Variants in ADAM2 observed in about 807,000 individuals in gnomAD.
ADAM2 encodes the protein disintegrin and metalloproteinase domain-containing protein 2.
Under a neutral mutation model 99.3 loss-of-function variants are expected in ADAM2, and 101 were observed. That is an observed-to-expected ratio of 1.02 (90% CI 0.87 to 1.20). The LOEUF is 1.20. ADAM2 is among the 50% of genes most tolerant of loss of function. The pLI is 0.00. For missense variants in ADAM2, 948 were observed against 878.7 expected, an observed-to-expected ratio of 1.08 and a Z score of -1.00; for synonymous variants, 323 against 287.6, an observed-to-expected ratio of 1.12 and a Z score of -1.25.
chr8:39,829,515 A>G (rs181464346), intron 3 of ADAM2, among the ~76,000 whole-genome samples: 48 of 152,118 alleles, frequency 3.2e-4, no homozygotes, highest in African/African-American at 1.1e-3. Flanking sequence ...ATAAGTATAT[A>G]ATTATAAGCA....
At chr8:39,797,701 G>C (rs566283293) in intron 7 of ADAM2, among the ~76,000 whole-genome samples, 1 of 152,236 alleles carries the variant, frequency 6.6e-6, no homozygotes, top group South Asian at 2.1e-4. Flanking sequence ...TTTTCCATTT[G>C]TTTGTGTCCT....
At chr8:39,765,084 C>T (rs1802520053) in intron 14 of ADAM2, among the ~76,000 whole-genome samples, 1 of 152,014 alleles carries the variant, frequency 6.6e-6, no homozygotes, top group African/African-American at 2.4e-5. Flanking sequence ...TGCACACATA[C>T]CTAGAATAGT....
Position 39,767,194 on chromosome 8 carries a change from C to T in ADAM2, c.1270G>A (p.Gly424Ser), listed in dbSNP as rs202127432. 37 of 1,608,050 alleles carry T rather than the reference C, an allele frequency of 2.3e-5. No homozygotes were observed. Among genetic ancestry groups the T allele is most frequent in the Middle Eastern group, 1.7e-4 (1 of 6,052 alleles). The change falls in exon 13 of 21, where the codon GGT becomes AGT. Residue 424 changes from glycine (G) to serine (S), a missense_variant. Transcript: ENST00000265708. ...CDIATCRFKA[G>S]SNCAEGPCCE... is the part of the protein sequence containing the mutation. The stretch of plus-strand genomic sequence containing the variant: ...CATGGTCCTTCAGCACAGTTTGAAC[C>T]GGCTTTAAATCTACATGTGGCAATA...
chr8:39,782,547 A>G (rs1288061451), intron 10 of ADAM2, among the ~76,000 whole-genome samples: 2 of 152,116 alleles, frequency 1.3e-5, no homozygotes, highest in African/African-American at 4.8e-5. Context: ...AAGTGCTTTA[A>G]TTGGAGACTC....
intron 11 of ADAM2, among the ~76,000 whole-genome samples, chr8:39,776,809 A>G (rs1803008136): frequency 1.3e-5 from 2 of 152,126 alleles, no homozygotes. Context: ...TGATAAATGT[A>G]GTGTTAGATC....
intron 6 of ADAM2, 110 bp downstream of exon 6, chr8:39,820,892 T>C: frequency 3.3e-6 from 2 of 607,792 alleles, no homozygotes; most frequent in Middle Eastern, 4.8e-4. Context: ...CATGTGGCTA[T>C]ATGTTTTGGT....
Position 39,766,887 on chromosome 8 carries a change from T to C in ADAM2, c.1468A>G (p.Met490Val). 6.2e-7 allele frequency: 1 copy of C among 1,611,960 alleles called. No homozygotes were observed. Among genetic ancestry groups the C allele is most frequent in the Non-Finnish European group, 8.5e-7 (1 of 1,178,444 alleles). ...TCTGTACATTGTTTATCCCCACTCATACAAACTCCATCTATACAGATCCAT... is the reference window on the plus strand; with the variant it reads ...TCTGTACATTGTTTATCCCCACTCACACAAACTCCATCTATACAGATCCAT... Reference protein sequence around the residue: ...NQWICIDGVCMSGDKQCTDTF... With the variant: ...NQWICIDGVCVSGDKQCTDTF... The change falls in exon 14 of 21, where the codon ATG becomes GTG. Residue 490 changes from methionine (M) to valine (V), a missense_variant. Coordinates refer to ENST00000265708, the MANE Select transcript of ADAM2 (RefSeq NM_001464.5).
At chr8:39,825,742 A>T (rs1175230797) in intron 3 of ADAM2, among the ~76,000 whole-genome samples, 1 of 152,154 alleles carries the variant, frequency 6.6e-6, no homozygotes, top group Non-Finnish European at 1.5e-5. Context: ...CAAATAATAC[A>T]GCTACTTCAT....
At chr8:39,767,355 T>C (rs1802613617) in intron 12 of ADAM2, 104 bp from the exon 13 acceptor site, 1 of 971,136 alleles carries the variant, frequency 1.0e-6, no homozygotes, top group Non-Finnish European at 1.6e-6. Context: ...CATAGGTGCT[T>C]AACTTACATG....
intron 15 of ADAM2, among the ~76,000 whole-genome samples, chr8:39,758,036 C>T (rs551026628): frequency 1.8e-4 from 28 of 152,112 alleles, no homozygotes; most frequent in African/African-American, 6.0e-4. Context: ...AATTTCTGTG[C>T]ATTTGGAACT....
At chr8:39,786,416 C>T (rs1803469109) in intron 10 of ADAM2, among the ~76,000 whole-genome samples, 1 of 152,112 alleles carries the variant, frequency 6.6e-6, no homozygotes, top group Non-Finnish European at 1.5e-5. Context: ...CAAACACTCA[C>T]ACAACAAAAA....
At chr8:39,754,185 GT>G (rs1435514990) in intron 16 of ADAM2, among the ~76,000 whole-genome samples, 2 of 152,196 alleles carry the variant, frequency 1.3e-5, no homozygotes, top group Non-Finnish European at 2.9e-5. Flanking sequence ...CTGTGGCAGG[GT>G]ACTGCCTGTC....
At chr8:39,791,702 T>C (rs1274436474) in intron 7 of ADAM2, among the ~76,000 whole-genome samples, 3 of 152,096 alleles carry the variant, frequency 2.0e-5, no homozygotes, top group Admixed American at 2.0e-4. Context: ...GACCTTTGGG[T>C]GTTTTGTGGT....
At chr8:39,810,522 A>G (rs538971448) in intron 6 of ADAM2, among the ~76,000 whole-genome samples, 52 of 152,332 alleles carry the variant, frequency 3.4e-4, no homozygotes, top group African/African-American at 1.2e-3. Context: ...AAAATTGACC[A>G]CATAGTTGGA....
Position 39,766,967 on chromosome 8 carries a change from G to A in ADAM2, c.1388C>T (p.Ala463Val), listed in dbSNP as rs773799227. ...DLPEYCNGSS[A>V]SCPENHYVQT... Reference sequence around the variant, plus strand: ...AACATAGTGGTTTTCTGGGCATGATGCAGATGATCCATTGCAATATTCAGG... The same window carrying A: ...AACATAGTGGTTTTCTGGGCATGATACAGATGATCCATTGCAATATTCAGG... Residue 463 changes from alanine to valine, a missense_variant, in exon 14 of 21, where the codon GCA (alanine) becomes GTA (valine). By Grantham distance (64) the Ala-to-Val change is moderately conservative. Coordinates refer to ENST00000265708, the MANE Select transcript of ADAM2 (RefSeq NM_001464.5). The A allele has an allele frequency of 1.9e-5, 30 of 1,614,034 alleles. No individual in the cohort carries two copies. The East Asian group carries it at 6.2e-4, about 34-fold the overall frequency.
chr8:39,772,131 A>T (rs1802809023), intron 11 of ADAM2, among the ~76,000 whole-genome samples: 1 of 151,332 alleles, frequency 6.6e-6, no homozygotes, highest in Non-Finnish European at 1.5e-5. Flanking sequence ...AAAAGAAAAG[A>T]AAGTAAAATA....
intron 10 of ADAM2, among the ~76,000 whole-genome samples, chr8:39,785,044 C>T (rs1803404347): frequency 1.3e-5 from 2 of 152,104 alleles, no homozygotes; most frequent in Admixed American, 6.6e-5. Flanking sequence ...GCAGCAGCTC[C>T]TTTGTTTAAT....
chr8:39,792,837 T>C lies in ADAM2; in HGVS notation c.571-4097A>G, dbSNP rs139187542. ...TTCTGGTCTATGCATGTTGAGCCCA[T>C]ACATAGAAAATGCTTTTTCTGCCCT... On this transcript the variant is annotated intron_variant, in intron 7 of 20. Coordinates refer to ENST00000265708, the MANE Select transcript of ADAM2 (RefSeq NM_001464.5). Among the ~76,000 whole-genome samples, 24 of 152,208 alleles carry C rather than the reference T, an allele frequency of 1.6e-4. No individual in the cohort carries two copies. The East Asian group carries it at 4.2e-3, about 27-fold the overall frequency.
intron 2 of ADAM2, among the ~76,000 whole-genome samples, chr8:39,835,509 C>A (rs145734021): frequency 4.0e-5 from 6 of 151,866 alleles, no homozygotes; most frequent in African/African-American, 1.5e-4. Context: ...GGTGAAACCC[C>A]GTCTCTACTA....
Sources: gnomAD v4.1 joint callset for allele counts (sites outside exome capture counted in the v4.1 genomes callset) on GRCh38, gnomAD v4.1.1 for gene constraint, MANE v1.5 for transcripts, NCBI Gene and HGNC (gene_info 2026-07-23, HGNC 2026-07-21) for gene names.